The following SOX6 variants were observed in gnomAD, a reference collection of about 807,000 sequenced individuals.
SOX6 encodes transcription factor SOX-6.
A neutral mutation model predicts 97.8 loss-of-function variants in SOX6; 11 were observed. The ratio of observed to expected loss-of-function variants is 0.11; its 90% CI spans 0.07 to 0.19. The LOEUF is 0.19. SOX6 is among the 10% of genes least tolerant of loss of function. SOX6 has a pLI of 1.00. For synonymous variants in SOX6, 360 were observed against 371.4 expected (o/e 0.97, Z 0.35); for missense variants, 810 against 1,039.5 (o/e 0.78, Z 3.04).
intron 12 of SOX6, among the ~76,000 whole-genome samples, chr11:16,022,392 T>TTC (rs1855092582): frequency 2.1e-5 from 3 of 143,618 alleles, no homozygotes; most frequent in Non-Finnish European, 3.0e-5. Flanking sequence ...CCTCCCTTCC[T>TTC]CTCTCTCTCT....
chr11:16,043,290 C>T (rs758370197), intron 12 of SOX6, among the ~76,000 whole-genome samples: 4 of 152,026 alleles, frequency 2.6e-5, no homozygotes, highest in Admixed American at 6.6e-5. Flanking sequence ...CAACCCAGGG[C>T]GGTAACTTAG....
intron 2 of SOX6, among the ~76,000 whole-genome samples, chr11:16,328,678 T>C (rs1222523289): frequency 6.6e-6 from 1 of 152,184 alleles, no homozygotes. Flanking sequence ...GTTTTCTTGA[T>C]GAACAAAAAA....
At chr11:16,050,068 T>A (rs1847648177) in intron 10 of SOX6, 130 bp from the exon 11 acceptor site, 2 of 924,454 alleles carry the variant, frequency 2.2e-6, no homozygotes, top group Admixed American at 3.9e-5. Flanking sequence ...CAAAAGAAGC[T>A]AATTATCTAC....
At chr11:16,113,955 T>C (rs1206692959) in intron 6 of SOX6, among the ~76,000 whole-genome samples, 2 of 152,104 alleles carry the variant, frequency 1.3e-5, no homozygotes, top group Non-Finnish European at 2.9e-5. Context: ...AGAAATTTCA[T>C]GGAAATGAAA....
At chr11:16,273,131 GA>G (rs35326692) in intron 3 of SOX6, among the ~76,000 whole-genome samples, 2 of 151,106 alleles carry the variant, frequency 1.3e-5, no homozygotes, top group African/African-American at 4.8e-5. Flanking sequence ...ATTAAAGTCA[GA>G]AAAAAAATTA....
intron 3 of SOX6, among the ~76,000 whole-genome samples, chr11:16,261,189 A>T (rs1467871236): frequency 6.6e-6 from 1 of 152,158 alleles, no homozygotes; most frequent in Non-Finnish European, 1.5e-5. Context: ...AGGCCAAGAA[A>T]TCCATCTGTC....
chr11:16,132,468 G>GAA (rs1849834891), intron 6 of SOX6, among the ~76,000 whole-genome samples: 3 of 141,976 alleles, frequency 2.1e-5, no homozygotes, highest in Admixed American at 7.1e-5. Flanking sequence ...AAGAAAGAAA[G>GAA]AAAGAAAGAA....
At chr11:16,588,244 CAG>C (rs1397816834) in intron 4 of SOX6, among the ~76,000 whole-genome samples, 1 of 152,148 alleles carries the variant, frequency 6.6e-6, no homozygotes, top group Non-Finnish European at 1.5e-5. Flanking sequence ...TGGATATCAG[CAG>C]AGTGTCAGAG....
chr11:16,501,701 A>G (rs891625558), intron 4 of SOX6, among the ~76,000 whole-genome samples: 2 of 152,252 alleles, frequency 1.3e-5, no homozygotes, highest in Admixed American at 6.5e-5. Context: ...GCCAAAAGAC[A>G]CATGAACAAA....
chr11:16,326,258 C>T (rs923382322), intron 2 of SOX6, among the ~76,000 whole-genome samples: 1 of 151,956 alleles, frequency 6.6e-6, no homozygotes, highest in African/African-American at 2.4e-5. Context: ...TTTCTAAACC[C>T]ATTTCTCATT....
At chr11:16,588,922 G>A (rs1848123173) in intron 4 of SOX6, among the ~76,000 whole-genome samples, 1 of 152,198 alleles carries the variant, frequency 6.6e-6, no homozygotes, top group South Asian at 2.1e-4. Context: ...CACTTTGGGA[G>A]GCTGAGGCAG....
At chr11:16,249,363 T>A (rs1306536357) in intron 3 of SOX6, among the ~76,000 whole-genome samples, 1 of 152,190 alleles carries the variant, frequency 6.6e-6, no homozygotes, top group African/African-American at 2.4e-5. Flanking sequence ...AGTCTCTTTG[T>A]AATGCAAAAC....
intron 1 of SOX6, among the ~76,000 whole-genome samples, chr11:16,434,768 T>C (rs1333027415): frequency 6.6e-6 from 1 of 152,162 alleles, no homozygotes; most frequent in African/African-American, 2.4e-5. Context: ...TTGTCTGAGA[T>C]GCCATATAAA....
At chr11:16,575,692 T>C (rs1265054257) in intron 4 of SOX6, among the ~76,000 whole-genome samples, 1 of 152,184 alleles carries the variant, frequency 6.6e-6, no homozygotes, top group Admixed American at 6.5e-5. Flanking sequence ...TAGAGATGCA[T>C]TCATAGGCAG....
chr11:16,473,665 C>A (rs1246607978), intron 1 of SOX6, among the ~76,000 whole-genome samples: 1 of 151,728 alleles, frequency 6.6e-6, no homozygotes, highest in Non-Finnish European at 1.5e-5. Context: ...AATTCTTCTG[C>A]CTCAGCCTCC....
chr11:16,258,644 G>A (rs1406152986), intron 3 of SOX6, among the ~76,000 whole-genome samples: 1 of 151,886 alleles, frequency 6.6e-6, no homozygotes, highest in African/African-American at 2.4e-5. Flanking sequence ...GTGGATAGAT[G>A]TCATTATACA....
intron 13 of SOX6, among the ~76,000 whole-genome samples, chr11:15,996,537 G>A (rs1415449590): frequency 6.6e-6 from 1 of 152,104 alleles, no homozygotes; most frequent in East Asian, 1.9e-4. Flanking sequence ...GCTGAGGTGG[G>A]AGGATTGCTT....
chr11:16,351,873 AC>A (rs1181271395), intron 1 of SOX6, among the ~76,000 whole-genome samples: 2 of 152,044 alleles, frequency 1.3e-5, no homozygotes, highest in East Asian at 3.9e-4. Flanking sequence ...TTTCTAAGTA[AC>A]CCCAACCGCA....
chr11:16,631,758 T>C (rs1439143767), intron 3 of SOX6, among the ~76,000 whole-genome samples: 1 of 152,222 alleles, frequency 6.6e-6, no homozygotes, highest in Non-Finnish European at 1.5e-5. Context: ...TCCATATTTC[T>C]TGAAGACTTT....
Sources: gnomAD v4.1 joint callset for allele counts (sites outside exome capture counted in the v4.1 genomes callset) on GRCh38, gnomAD v4.1.1 for gene constraint, MANE v1.5 for transcripts, NCBI Gene and HGNC (gene_info 2026-07-23, HGNC 2026-07-21) for gene names.